CACNG3: variants seen among roughly 807,000 people sequenced by gnomAD.
CACNG3 encodes voltage-dependent calcium channel gamma-3 subunit.
CACNG3 carries 3 observed loss-of-function variants against 28.5 expected under a neutral mutation model. That is an observed-to-expected ratio of 0.11 (90% CI 0.05 to 0.27). The LOEUF (loss-of-function observed/expected upper bound fraction) is 0.27, where lower values mean the gene tolerates loss of function less well. Ranked by LOEUF, CACNG3 falls within the 10% of genes least tolerant of loss-of-function variation. The pLI, the probability that CACNG3 is intolerant of heterozygous loss-of-function variation, is 1.00. For synonymous variants in CACNG3, 174 were observed against 162.2 expected (o/e 1.07, Z -0.55); for missense variants, 236 against 414.4 (o/e 0.57, Z 3.74).
Position 24,270,992 on chromosome 16 carries a change from G to T in CACNG3, c.211+14027G>T, listed in dbSNP as rs183834484. On this transcript the variant is annotated intron_variant, in intron 1 of 3. Coordinates refer to ENST00000005284, the MANE Select transcript of CACNG3 (RefSeq NM_006539.4). Reference sequence around the variant, plus strand: ...AAGAAAGCCAGGGTGGCTGAAATGGGGGAGTGAGGAGGAGAGAAGCAGATC... The same window carrying T: ...AAGAAAGCCAGGGTGGCTGAAATGGTGGAGTGAGGAGGAGAGAAGCAGATC... 1.8e-4 allele frequency among the ~76,000 whole-genome samples: 27 copies of T among 152,304 alleles called. No individual in the cohort carries two copies. The South Asian group carries it at 5.4e-3, about 30-fold the overall frequency.
intron 1 of CACNG3, among the ~76,000 whole-genome samples, chr16:24,295,324 C>T (rs533272702): frequency 7.9e-5 from 12 of 152,196 alleles, no homozygotes; most frequent in Admixed American, 7.2e-4. Context: ...CCCCTGTGTA[C>T]CTACTGGGAC....
At chr16:24,331,046 G>T (rs1221117983) in intron 1 of CACNG3, among the ~76,000 whole-genome samples, 2 of 152,102 alleles carry the variant, frequency 1.3e-5, no homozygotes, top group East Asian at 3.9e-4. Context: ...CTGTACCCCT[G>T]CTTTGCTGGT....
chr16:24,271,261 G>A (rs538291768), intron 1 of CACNG3, among the ~76,000 whole-genome samples: 6 of 152,078 alleles, frequency 3.9e-5, no homozygotes, highest in Non-Finnish European at 7.3e-5. Flanking sequence ...CTTTTGCCTC[G>A]CCCTTCTCTA....
At chr16:24,278,511 G>T (rs1237741048) in intron 1 of CACNG3, among the ~76,000 whole-genome samples, 1 of 152,170 alleles carries the variant, frequency 6.6e-6, no homozygotes, top group East Asian at 1.9e-4. Context: ...AGCTACTTGG[G>T]AGGCTGAGGC....
intron 1 of CACNG3, among the ~76,000 whole-genome samples, chr16:24,332,734 T>C (rs576612185): frequency 1.8e-4 from 28 of 152,050 alleles, no homozygotes; most frequent in Non-Finnish European, 3.5e-4. Flanking sequence ...AATATGAATA[T>C]GTGCATTCAT....
intron 1 of CACNG3, among the ~76,000 whole-genome samples, chr16:24,262,289 G>A (rs1020113520): frequency 1.3e-5 from 2 of 152,146 alleles, no homozygotes; most frequent in Non-Finnish European, 2.9e-5. Flanking sequence ...AAGCCTGAGA[G>A]GCAGATGGAA....
intron 1 of CACNG3, among the ~76,000 whole-genome samples, chr16:24,301,664 G>A (rs888260895): frequency 2.0e-5 from 3 of 152,096 alleles, no homozygotes; most frequent in African/African-American, 4.8e-5. Context: ...TGAAGACATC[G>A]CACAAGGTAC....
intron 1 of CACNG3, among the ~76,000 whole-genome samples, chr16:24,263,351 T>C (rs966398192): frequency 3.9e-5 from 6 of 152,254 alleles, no homozygotes; most frequent in Admixed American, 2.6e-4. Flanking sequence ...TGAACAAAAC[T>C]TGACATGAGC....
chr16:24,323,235 AAAAAAGAG>A (rs1221001675), intron 1 of CACNG3, among the ~76,000 whole-genome samples: 1 of 144,976 alleles, frequency 6.9e-6, no homozygotes, highest in Non-Finnish European at 1.5e-5. Flanking sequence ...AAAAAAAAAA[AAAAAAGAG>A]AGAGAGAGAA....
chr16:24,261,311 A>T (rs1898534812), intron 1 of CACNG3, among the ~76,000 whole-genome samples: 1 of 152,162 alleles, frequency 6.6e-6, no homozygotes, highest in Non-Finnish European at 1.5e-5. Context: ...AGTGGTGAGG[A>T]CTGTGGCAAA....
chr16:24,318,317 A>T (rs1899414101), intron 1 of CACNG3, among the ~76,000 whole-genome samples: 1 of 151,956 alleles, frequency 6.6e-6, no homozygotes, highest in Non-Finnish European at 1.5e-5. Flanking sequence ...TCAGCCTCCC[A>T]GGTAGCTGGG....
At chr16:24,294,848 T>C (rs919020771) in intron 1 of CACNG3, among the ~76,000 whole-genome samples, 2 of 152,242 alleles carry the variant, frequency 1.3e-5, no homozygotes, top group African/African-American at 2.4e-5. Context: ...GCGTATTTCA[T>C]AGAGCTACTA....
chr16:24,346,653 G>A (rs780216930), intron 1 of CACNG3, 81 bp from the exon 2 acceptor site: 1 of 907,946 alleles, frequency 1.1e-6, no homozygotes, highest in Non-Finnish European at 1.8e-6. Context: ...GAAAGGATCT[G>A]CACATAGCGG....
intron 1 of CACNG3, among the ~76,000 whole-genome samples, chr16:24,342,288 T>A (rs1057199837): frequency 1.4e-4 from 22 of 152,028 alleles, no homozygotes; most frequent in African/African-American, 5.1e-4. Context: ...AAAATAAAAA[T>A]AAAATAAAAT....
chr16:24,309,061 T>C (rs1481934013), intron 1 of CACNG3, among the ~76,000 whole-genome samples: 3 of 152,134 alleles, frequency 2.0e-5, no homozygotes, highest in Non-Finnish European at 4.4e-5. Flanking sequence ...TCAAGCAATC[T>C]GCCTAAGGTT....
intron 3 of CACNG3, among the ~76,000 whole-genome samples, chr16:24,356,197 G>A (rs548644500): frequency 7.0e-4 from 106 of 152,246 alleles, no homozygotes; most frequent in Non-Finnish European, 1.1e-3. Context: ...GGGGAAGACG[G>A]GGCTGGACTC....
At chr16:24,297,360 G>C (rs1899045806) in intron 1 of CACNG3, among the ~76,000 whole-genome samples, 1 of 152,146 alleles carries the variant, frequency 6.6e-6, no homozygotes, top group African/African-American at 2.4e-5. Context: ...TTGGGCAACA[G>C]CTTGTTTTGA....
intron 1 of CACNG3, among the ~76,000 whole-genome samples, chr16:24,282,877 T>A (rs576637564): frequency 6.6e-6 from 1 of 152,252 alleles, no homozygotes; most frequent in East Asian, 1.9e-4. Flanking sequence ...TCTTTTTTTG[T>A]TTTTTGGACA....
chr16:24,355,018 T>C (rs1481756594), intron 3 of CACNG3, 45 bp downstream of exon 3: 12 of 1,585,296 alleles, frequency 7.6e-6, no homozygotes, highest in Non-Finnish European at 9.5e-6. Context: ...GATACCAAAC[T>C]GAAGCCAGGG....
Sources: gnomAD v4.1 joint callset for allele counts (sites outside exome capture counted in the v4.1 genomes callset) on GRCh38, gnomAD v4.1.1 for gene constraint, MANE v1.5 for transcripts, NCBI Gene and HGNC (gene_info 2026-07-23, HGNC 2026-07-21) for gene names.